Variants in SNAPC1 observed in about 807,000 individuals in gnomAD.
SNAPC1 encodes small nuclear RNA activating complex polypeptide 1, also known as snRNA-activating protein complex subunit 1.
A neutral mutation model predicts 50.1 loss-of-function variants in SNAPC1; 42 were observed. The observed-to-expected ratio is 0.84, with a 90% CI of 0.65 to 1.08. The LOEUF is 1.08. Ranked by LOEUF, SNAPC1 falls within the 50% of genes least tolerant of loss-of-function variation. The pLI is 0.00. For synonymous variants in SNAPC1, 164 were observed against 144.2 expected (o/e 1.14, Z -0.98); for missense variants, 477 against 427.3 (o/e 1.12, Z -1.02).
At chr14:61,794,294 A>G (rs1413674024) in intron 9 of SNAPC1, among the ~76,000 whole-genome samples, 1 of 152,202 alleles carries the variant, frequency 6.6e-6, no homozygotes, top group Non-Finnish European at 1.5e-5. Flanking sequence ...CTTATTATTA[A>G]TTAGGATTTA....
chr14:61,772,028 A>G (rs2044994991), intron 4 of SNAPC1, among the ~76,000 whole-genome samples: 1 of 152,214 alleles, frequency 6.6e-6, no homozygotes, highest in African/African-American at 2.4e-5. Context: ...GACATTTTCA[A>G]ACAGCAAGAC....
chr14:61,763,297 T>C (rs2044922096), intron 1 of SNAPC1, among the ~76,000 whole-genome samples: 1 of 151,864 alleles, frequency 6.6e-6, no homozygotes, highest in Non-Finnish European at 1.5e-5. Flanking sequence ...GGCCCAAAAG[T>C]TGTTTTTCAA....
intron 4 of SNAPC1, among the ~76,000 whole-genome samples, chr14:61,773,341 G>A (rs2045007465): frequency 6.7e-6 from 1 of 149,840 alleles, no homozygotes; most frequent in South Asian, 2.1e-4. Flanking sequence ...GATGTTTTAT[G>A]TATGTTATCT....
Position 61,795,259 on chromosome 14 carries a change from A to G in SNAPC1, c.*276A>G, listed in dbSNP as rs139004875. Reference sequence around the variant, plus strand: ...ATTCTGTTATTCGCAGATTGTTACTATTTCCTATAAGGTTTTGTGATACTA... The same window carrying G: ...ATTCTGTTATTCGCAGATTGTTACTGTTTCCTATAAGGTTTTGTGATACTA... On this transcript the variant is annotated 3_prime_UTR_variant, in exon 10 of 10. Coordinates refer to ENST00000216294, the MANE Select transcript of SNAPC1 (RefSeq NM_003082.4). 1,056 of 359,772 alleles carry G rather than the reference A, an allele frequency of 2.9e-3. 2 individuals carry two copies. The highest frequency in any genetic ancestry group is 4.3e-3 in the Non-Finnish European group (862 of 200,128). The allele number at this position is 359,772 out of a possible 1,614,324, so 22.3% of individuals were successfully genotyped here. A position where few individuals can be genotyped will look rare whatever the true frequency, so the allele number is the denominator to read the frequency against.
intron 4 of SNAPC1, among the ~76,000 whole-genome samples, chr14:61,774,485 T>G (rs2045018847): frequency 6.6e-6 from 1 of 152,130 alleles, no homozygotes; most frequent in South Asian, 2.1e-4. Context: ...ACTCAAAAAT[T>G]AGATCTGACT....
intron 8 of SNAPC1, among the ~76,000 whole-genome samples, chr14:61,791,028 C>G (rs770384427): frequency 6.6e-6 from 1 of 151,988 alleles, no homozygotes; most frequent in Non-Finnish European, 1.5e-5. Flanking sequence ...TGTTCCCTCC[C>G]GAGATGGAGT....
intron 6 of SNAPC1, 87 bp from the exon 7 acceptor site, chr14:61,778,761 A>G: frequency 1.2e-6 from 1 of 819,784 alleles, no homozygotes; most frequent in Non-Finnish European, 2.0e-6. Flanking sequence ...CTGAAATCTT[A>G]TTTCTGATAA....
chr14:61,766,818 T>G (rs1250338000), intron 1 of SNAPC1, 58 bp from the exon 2 acceptor site: 1 of 1,100,672 alleles, frequency 9.1e-7, no homozygotes, highest in Admixed American at 1.9e-5. Flanking sequence ...TACTTTTGGC[T>G]TTTGTTCATT....
chr14:61,777,720 C>T (rs1266561046), intron 5 of SNAPC1, among the ~76,000 whole-genome samples: 1 of 151,712 alleles, frequency 6.6e-6, no homozygotes, highest in Non-Finnish European at 1.5e-5. Flanking sequence ...ATTAGGATTA[C>T]AGGATTAGCC....
At chr14:61,763,209 C>T (rs1443641526) in intron 1 of SNAPC1, among the ~76,000 whole-genome samples, 1 of 142,462 alleles carries the variant, frequency 7.0e-6, no homozygotes, top group Non-Finnish European at 1.5e-5. Context: ...GCCAGACTGG[C>T]CTCGAACTCC....
chr14:61,780,597 G>A (rs1326871142), intron 7 of SNAPC1, among the ~76,000 whole-genome samples: 7 of 152,136 alleles, frequency 4.6e-5, no homozygotes, highest in African/African-American at 1.2e-4. Context: ...TTTATCGAAT[G>A]CAAAGTTTGT....
chr14:61,784,368 A>G (rs1435799513), intron 8 of SNAPC1, among the ~76,000 whole-genome samples: 1 of 152,178 alleles, frequency 6.6e-6, no homozygotes, highest in Non-Finnish European at 1.5e-5. Context: ...TATTAATATG[A>G]TTTACCACAT....
chr14:61,793,331 C>A (rs551537906), intron 9 of SNAPC1, among the ~76,000 whole-genome samples: 1 of 151,898 alleles, frequency 6.6e-6, no homozygotes, highest in Non-Finnish European at 1.5e-5. Context: ...TCGACCTCCC[C>A]GGCTCAGGCT....
chr14:61,783,406 C>T (rs2045091809), intron 8 of SNAPC1, among the ~76,000 whole-genome samples: 1 of 151,430 alleles, frequency 6.6e-6, no homozygotes, highest in African/African-American at 2.4e-5. Context: ...ATAATGCATT[C>T]TATAAACCAT....
intron 4 of SNAPC1, among the ~76,000 whole-genome samples, chr14:61,775,709 G>C (rs2045030635): frequency 6.6e-6 from 1 of 152,186 alleles, no homozygotes; most frequent in South Asian, 2.1e-4. Flanking sequence ...AAATATTCTT[G>C]ATGTGACAAT....
chr14:61,771,937 G>A (rs548409517), intron 4 of SNAPC1, among the ~76,000 whole-genome samples: 11 of 152,274 alleles, frequency 7.2e-5, no homozygotes, highest in East Asian at 3.9e-4. Context: ...TTGGAATAGC[G>A]GTTGTGGAGA....
chr14:61,791,710 G>A (rs2045153372), intron 8 of SNAPC1, among the ~76,000 whole-genome samples: 1 of 152,102 alleles, frequency 6.6e-6, no homozygotes, highest in South Asian at 2.1e-4. Context: ...TTAGCTGAGC[G>A]TGATGGCATT....
At chr14:61,766,027 A>G (rs2044946155) in intron 1 of SNAPC1, among the ~76,000 whole-genome samples, 1 of 152,230 alleles carries the variant, frequency 6.6e-6, no homozygotes. Flanking sequence ...TTCTGCTTCA[A>G]AGAGTTTCCT....
chr14:61,769,944 C>T (rs959552663), intron 4 of SNAPC1, among the ~76,000 whole-genome samples: 53 of 152,060 alleles, frequency 3.5e-4, no homozygotes, highest in South Asian at 2.1e-4. Flanking sequence ...AGAGAGGAGA[C>T]GAGAGGGTAA....
Sources: allele counts gnomAD v4.1 joint callset (sites outside exome capture counted in the v4.1 genomes callset), GRCh38; gene constraint gnomAD v4.1.1; transcripts MANE v1.5; gene names NCBI Gene and HGNC (gene_info 2026-07-23, HGNC 2026-07-21).